Variants in ZNF837 observed in about 807,000 individuals in gnomAD.
The protein encoded by ZNF837 is zinc finger protein 837.
For synonymous variants in ZNF837, 475 were observed against 365.2 expected, an observed-to-expected ratio of 1.30 and a Z score of -3.43; for missense variants, 955 against 801.7, an observed-to-expected ratio of 1.19 and a Z score of -2.31.
At chr19:58,372,681 G>A (rs2052212608) in intron 1 of ZNF837, among the ~76,000 whole-genome samples, 1 of 152,196 alleles carries the variant, frequency 6.6e-6, no homozygotes, top group Non-Finnish European at 1.5e-5. Context: ...TTCTCCAAAG[G>A]AAGCTGCTGC....
chr19:58,375,929 A>T (rs1201497831), intron 1 of ZNF837, among the ~76,000 whole-genome samples: 9 of 150,054 alleles, frequency 6.0e-5, no homozygotes, highest in Admixed American at 4.6e-4. Context: ...TTATTTATTT[A>T]TTTTTTTGAC....
At position 58,367,747 on chromosome 19, in the gene ZNF837, G is replaced by T. The variant is rs930573185; in HGVS notation, c.1586C>A (p.Ala529Asp). The change falls in exon 3 of 3, where the codon GCC (alanine) becomes GAC (aspartate). Residue 529 changes from alanine to aspartate, a missense_variant. Ala to Asp is a moderately radical substitution (Grantham distance 126). Coordinates refer to ENST00000597582, the MANE Select transcript of ZNF837 (RefSeq NM_138466.2). ...NEHRKRHGGRAAP is the reference protein window; with the variant it reads ...NEHRKRHGGRDAP ...CTCGGCTCCCTGCAGTCAAGGCGCG[G>T]CGCGGCCCCCGTGCCGCTTCCGGTG... 1.5e-5 allele frequency: 23 copies of T among 1,525,712 alleles called. No individual in the cohort carries two copies. The highest frequency in any genetic ancestry group is 1.8e-5 in the Non-Finnish European group (21 of 1,142,372). 94.5% of individuals were successfully genotyped at this position (1,525,712 alleles called of 1,614,324 possible).
intron 1 of ZNF837, among the ~76,000 whole-genome samples, chr19:58,377,955 T>C (rs942213264): frequency 2.6e-5 from 4 of 152,226 alleles, no homozygotes; most frequent in Non-Finnish European, 5.9e-5. Flanking sequence ...TGGACCTGGC[T>C]ATTCGGGGCA....
Position 58,368,357 on chromosome 19 carries a change from G to T in ZNF837, c.976C>A (p.His326Asn). The T allele has an allele frequency of 6.5e-7, 1 of 1,529,472 alleles. No homozygotes were observed. The highest frequency in any genetic ancestry group is 1.2e-5 in the South Asian group (1 of 83,338). 94.7% of individuals were successfully genotyped at this position (1,529,472 alleles called of 1,614,324 possible). A position where few individuals can be genotyped will look rare whatever the true frequency, so the allele number is the denominator to read the frequency against. ...RHQKTHSAER[H>N]RRGPVLARRA... is the part of the protein sequence containing the mutation. ...CGCGCCAGGACGGGGCCACGCCGGT[G>T]GCGCTCGGCCGAGTGCGTCTTCTGG... The change falls in exon 3 of 3, where the codon CAC becomes AAC. Residue 326 changes from histidine (H) to asparagine (N), a missense_variant. Physicochemically the swap from His to Asn is moderately conservative, Grantham distance 68 (BLOSUM62 1). Transcript: ENST00000597582.
rs550278868 is a variant in ZNF837, at chr19:58,370,494, G to A, written c.-139-566C>T. ...GAGGTTCTAGGAAACAGGACGTGCA[G>A]ATCTTTCAGGGGGCCATTATTCTGC... On this transcript the variant is annotated intron_variant, in intron 1 of 2. Coordinates refer to ENST00000597582, the MANE Select transcript of ZNF837 (RefSeq NM_138466.2). Among the ~76,000 whole-genome samples, 11 of 152,300 alleles carry A rather than the reference G, an allele frequency of 7.2e-5. No homozygotes were observed. In the South Asian group the frequency reaches 2.1e-3, roughly 29 times the overall value.
chr19:58,368,079 G>C lies in ZNF837; in HGVS notation c.1254C>G (p.Pro418=), dbSNP rs2052154823. 10 of 1,551,100 alleles carry C rather than the reference G, an allele frequency of 6.4e-6. No individual in the cohort carries two copies. The highest frequency in any genetic ancestry group is 8.7e-6 in the Non-Finnish European group (10 of 1,151,464). ...CCTTTTCGCACAGTGGGCACGCGTA[G>C]GGCTTGGCGCTGCTGTGAGTGCGCT... The part of the protein sequence containing the change: ...RHQRTHSSAK[P]YACPLCEKAF... Residue 418 remains proline (P), a synonymous_variant, in exon 3 of 3, where the codon CCC becomes CCG. Coordinates refer to ENST00000597582, the MANE Select transcript of ZNF837 (RefSeq NM_138466.2).
intron 1 of ZNF837, among the ~76,000 whole-genome samples, chr19:58,371,036 T>G (rs1479951589): frequency 5.9e-5 from 9 of 151,478 alleles, no homozygotes; most frequent in African/African-American, 1.9e-4. Flanking sequence ...GGTCAGGAGA[T>G]CGATACCATC....
rs915846539 is a variant in ZNF837, at chr19:58,368,388, G to A, written c.945C>T (p.Tyr315=). The A allele has an allele frequency of 2.6e-6, 4 of 1,537,422 alleles. No homozygotes were observed. In the African/African-American group the frequency reaches 5.5e-5, roughly 21 times the overall value. ...GKAFVRCSGL[Y]RHQKTHSAER... is the part of the protein sequence containing the mutation. ...CGGCCGAGTGCGTCTTCTGGTGGCG[G>A]TACAGGCCGGAGCAGCGCACGAAGG... The change falls in exon 3 of 3, where the codon TAC becomes TAT. Residue 315 remains tyrosine, a synonymous_variant. Transcript: ENST00000597582.
At position 58,368,078 on chromosome 19, in the gene ZNF837, AG is replaced by A; in HGVS notation, c.1254del (p.Tyr419ThrfsTer?). On this transcript the variant is annotated frameshift_variant, in exon 3 of 3. Transcript: ENST00000597582. LOFTEE classifies it low-confidence loss of function (END_TRUNC). The stretch of plus-strand genomic sequence containing the variant: ...GCCTTTTCGCACAGTGGGCACGCGT[AG>A]GGCTTGGCGCTGCTGTGAGTGCGCT... The part of the protein sequence containing the change: ...RHQRTHSSAK[P>X]YACPLCEKAF... 6.4e-7 allele frequency: 1 copy of A among 1,550,752 alleles called. No homozygotes were observed. The highest frequency in any genetic ancestry group is 2.4e-5 in the East Asian group (1 of 41,264).
chr19:58,369,099 G>C lies in ZNF837; in HGVS notation c.234C>G (p.Thr78=). 1.3e-6 allele frequency: 2 copies of C among 1,507,878 alleles called. No homozygotes were observed. Among genetic ancestry groups the C allele is most frequent in the South Asian group, 1.3e-5 (1 of 78,564 alleles). 93.4% of individuals were successfully genotyped at this position (1,507,878 alleles called of 1,614,324 possible). A position where few individuals can be genotyped will look rare whatever the true frequency, so the allele number is the denominator to read the frequency against. The change falls in exon 3 of 3, where the codon ACC becomes ACG. Residue 78 remains threonine (T), a synonymous_variant. Transcript: ENST00000597582. ...CSLGVSPGPG[T]RHSAGTRPLV... ...GGGGTCTGGTCCCGGCGCTGTGCCG[G>C]GTCCCCGGGCCGGGGCTCACCCCGA...
At chr19:58,375,604 A>G (rs1187943313) in intron 1 of ZNF837, among the ~76,000 whole-genome samples, 1 of 149,612 alleles carries the variant, frequency 6.7e-6, no homozygotes, top group African/African-American at 2.5e-5. Context: ...TGTGCCACCA[A>G]GAACGGCTAA....
At chr19:58,377,077 C>A (rs1294117852) in intron 1 of ZNF837, among the ~76,000 whole-genome samples, 1 of 150,254 alleles carries the variant, frequency 6.7e-6, no homozygotes, top group Non-Finnish European at 1.5e-5. Context: ...ATTAGCCAGG[C>A]GAGGTGGCGC....
At chr19:58,378,753 AT>A (rs2052268680) in intron 1 of ZNF837, among the ~76,000 whole-genome samples, 1 of 152,240 alleles carries the variant, frequency 6.6e-6, no homozygotes, top group African/African-American at 2.4e-5. Flanking sequence ...ATCACCCTGA[AT>A]AACCTGGGTG....
intron 1 of ZNF837, among the ~76,000 whole-genome samples, chr19:58,377,153 G>A (rs910911486): frequency 1.3e-5 from 2 of 149,246 alleles, no homozygotes; most frequent in African/African-American, 5.0e-5. Context: ...GGAGGCGGAG[G>A]TTGCAGTGAG....
chr19:58,373,590 GCTTGTTACTCT>G (rs1048986505), intron 1 of ZNF837, among the ~76,000 whole-genome samples: 6 of 152,232 alleles, frequency 3.9e-5, no homozygotes, highest in African/African-American at 1.4e-4. Flanking sequence ...TGCTGTTGTA[GCTTGTTACTCT>G]CTTTCTGTCC....
rs1242419218 is a variant in ZNF837 at position 58,368,062 on chromosome 19, C to T, written c.1271G>A (p.Cys424Tyr). Residue 424 changes from cysteine (C) to tyrosine (Y), a missense_variant, in exon 3 of 3, where the codon TGC (cysteine) becomes TAC (tyrosine). Transcript: ENST00000597582. Reference sequence around the variant, plus strand: ...CGAGCGGCCCTTGAAGGCCTTTTCGCACAGTGGGCACGCGTAGGGCTTGGC... The same window carrying T: ...CGAGCGGCCCTTGAAGGCCTTTTCGTACAGTGGGCACGCGTAGGGCTTGGC... ...SSAKPYACPL[C>Y]EKAFKGRSGL... is the part of the protein sequence containing the mutation. 2 of 1,543,698 alleles carry T rather than the reference C, an allele frequency of 1.3e-6. No individual in the cohort carries two copies. Among genetic ancestry groups the T allele is most frequent in the South Asian group, 2.4e-5 (2 of 84,456 alleles).
chr19:58,368,151 GGGGCACGCGTA>G lies in ZNF837; in HGVS notation c.1171_1181del (p.Tyr391ArgfsTer168). On this transcript the variant is annotated frameshift_variant, in exon 3 of 3. Coordinates refer to ENST00000597582, the MANE Select transcript of ZNF837 (RefSeq NM_138466.2). LOFTEE classifies it low-confidence loss of function (END_TRUNC). ...GCTGGTTGAAGGCCTTGCCGCACTC[GGGGCACGCGTA>G]GGGCTTCTCGCCGGTGTGCACGCGC... 1 of 1,587,316 alleles carries G rather than the reference GGGGCACGCGTA, an allele frequency of 6.3e-7. No individual in the cohort carries two copies.
Position 58,368,916 on chromosome 19 carries a change from C to T in ZNF837, c.417G>A (p.Gly139=). The T allele has an allele frequency of 6.5e-7, 1 of 1,547,098 alleles. No homozygotes were observed. Among genetic ancestry groups the T allele is most frequent in the Non-Finnish European group, 8.7e-7 (1 of 1,145,314 alleles). ...AGGGGTCACACACGGGTGGCGTCTC[C>T]CCAGCGGGCGCCCCGCGATGCCACG... ...CLAWHRGAPA[G]ETPPVCDPCP... Residue 139 remains glycine, a synonymous_variant, in exon 3 of 3, where the codon GGG becomes GGA. Transcript: ENST00000597582.
rs1287815850 is a variant in ZNF837, at chr19:58,367,733, G to A, written c.*4C>T. The A allele has an allele frequency of 6.0e-6, 9 of 1,508,108 alleles. No homozygotes were observed. The East Asian group carries it at 1.7e-4, about 29-fold the overall frequency. The allele number at this position is 1,508,108 out of a possible 1,614,324, so 93.4% of individuals were successfully genotyped here. On this transcript the variant is annotated 3_prime_UTR_variant, in exon 3 of 3. Transcript: ENST00000597582. ...GCGACGCGTCGACTCTCGGCTCCCT[G>A]CAGTCAAGGCGCGGCGCGGCCCCCG...
Sources: allele counts gnomAD v4.1 joint callset (sites outside exome capture counted in the v4.1 genomes callset), GRCh38; gene constraint gnomAD v4.1.1; transcripts MANE v1.5; gene names NCBI Gene and HGNC (gene_info 2026-07-23, HGNC 2026-07-21).